The following SH3PXD2B variants were observed in gnomAD, a reference collection of about 807,000 sequenced individuals.
The protein encoded by SH3PXD2B is SH3 and PX domain-containing protein 2B.
Under a neutral mutation model 73.1 loss-of-function variants are expected in SH3PXD2B, and 37 were observed. That is an observed-to-expected ratio of 0.51 (90% confidence interval 0.39 to 0.67). SH3PXD2B has a LOEUF of 0.67. SH3PXD2B is among the 30% of genes least tolerant of loss of function. SH3PXD2B has a pLI of 0.00. For missense variants in SH3PXD2B, 1,053 were observed against 1,197.8 expected (o/e 0.88, Z 1.78); for synonymous variants, 457 against 480.5 (o/e 0.95, Z 0.64).
At chr5:172,422,345 G>A (rs1490707829) in intron 2 of SH3PXD2B, 71 bp downstream of exon 2, 32 of 1,372,944 alleles carry the variant, frequency 2.3e-5, no homozygotes, top group Non-Finnish European at 3.1e-5. Context: ...GGACTCTAAA[G>A]CTGTAGTGGA....
downstream of SH3PXD2B, among the ~76,000 whole-genome samples, chr5:172,329,006 C>T (rs193201023): frequency 1.4e-5 from 2 of 145,826 alleles, no homozygotes; most frequent in Admixed American, 1.4e-4. Flanking sequence ...TATAGATACA[C>T]ACATATATAT....
chr5:172,399,751 G>A lies in SH3PXD2B; in HGVS notation c.233-5112C>T, dbSNP rs754209992. Among the ~76,000 whole-genome samples the A allele has an allele frequency of 1.4e-4, 22 of 152,144 alleles. No individual in the cohort carries two copies. In the South Asian group the frequency reaches 1.7e-3, roughly 11 times the overall value. Reference sequence around the variant, plus strand: ...TCTTCCTCCTTCAGCACTCAATCTCGCTTACACTGGGTTTTATTTAATTAT... The same window carrying A: ...TCTTCCTCCTTCAGCACTCAATCTCACTTACACTGGGTTTTATTTAATTAT... On this transcript the variant is annotated intron_variant, in intron 3 of 12. Transcript: ENST00000311601.
chr5:172,360,107 T>C (rs1283204164), intron 7 of SH3PXD2B, among the ~76,000 whole-genome samples: 4 of 152,200 alleles, frequency 2.6e-5, no homozygotes, highest in African/African-American at 9.7e-5. Flanking sequence ...GACTATTAGA[T>C]AATAAATATG....
chr5:172,341,440 T>C (rs1045412565), intron 12 of SH3PXD2B, among the ~76,000 whole-genome samples: 5 of 152,090 alleles, frequency 3.3e-5, no homozygotes, highest in African/African-American at 1.2e-4. Context: ...ATCTGGTTGT[T>C]TAAAAGTGTG....
intron 4 of SH3PXD2B, among the ~76,000 whole-genome samples, chr5:172,391,101 A>G (rs1758181504): frequency 1.3e-5 from 2 of 152,046 alleles, no homozygotes; most frequent in Non-Finnish European, 2.9e-5. Flanking sequence ...TCAGCCTCCC[A>G]AAGTACTGGG....
chr5:172,413,100 C>A (rs192914720), intron 2 of SH3PXD2B, among the ~76,000 whole-genome samples: 11 of 152,306 alleles, frequency 7.2e-5, no homozygotes, highest in African/African-American at 2.6e-4. Flanking sequence ...GAGGGGTTTA[C>A]CCCCTCAATA....
At chr5:172,332,375 TC>T (rs1465007249), downstream of SH3PXD2B, among the ~76,000 whole-genome samples, 3 of 150,040 alleles carry the variant, frequency 2.0e-5, no homozygotes, top group Non-Finnish European at 4.4e-5. Context: ...CACTTCAGCC[TC>T]CCAAGTAGCT....
At chr5:172,423,126 G>A (rs1759009963) in intron 1 of SH3PXD2B, among the ~76,000 whole-genome samples, 1 of 152,132 alleles carries the variant, frequency 6.6e-6, no homozygotes, top group Non-Finnish European at 1.5e-5. Context: ...TGTGTCACAC[G>A]TCACGGCACG....
At chr5:172,440,280 C>T (rs1328098175) in intron 1 of SH3PXD2B, among the ~76,000 whole-genome samples, 1 of 152,236 alleles carries the variant, frequency 6.6e-6, no homozygotes, top group Non-Finnish European at 1.5e-5. Context: ...AGTAGCAATC[C>T]TGCACGTCCT....
chr5:172,377,984 G>A (rs984853644), intron 5 of SH3PXD2B, among the ~76,000 whole-genome samples: 2 of 150,214 alleles, frequency 1.3e-5, no homozygotes, highest in African/African-American at 5.1e-5. Flanking sequence ...TGGGCTGAGA[G>A]CTCCTGTCCT....
chr5:172,368,466 TA>T (rs2113337418), intron 6 of SH3PXD2B, among the ~76,000 whole-genome samples: 1 of 41,980 alleles, frequency 2.4e-5, no homozygotes, highest in South Asian at 8.5e-4. Context: ...TATATATATA[TA>T]TTATATATAT....
chr5:172,434,859 T>C (rs1051021230), intron 1 of SH3PXD2B, among the ~76,000 whole-genome samples: 3 of 151,000 alleles, frequency 2.0e-5, no homozygotes, highest in Non-Finnish European at 2.9e-5. Context: ...TCTCGGCTCA[T>C]TGCAACCTCC....
Position 172,338,165 on chromosome 5 carries a change from T to C in SH3PXD2B, c.*204A>G, listed in dbSNP as rs990262975. On this transcript the variant is annotated 3_prime_UTR_variant, in exon 13 of 13. Coordinates refer to ENST00000311601, the MANE Select transcript of SH3PXD2B (RefSeq NM_001017995.3). This position sits in a 1 kb window ranked among gnomAD's most constrained non-coding sequence, Gnocchi z 5.1. ...AAGGCTGTGGGTTCTGAGCCTCCAGTGATGCTGTGATAGGAGGGATCAGGC... is the reference window on the plus strand; with the variant it reads ...AAGGCTGTGGGTTCTGAGCCTCCAGCGATGCTGTGATAGGAGGGATCAGGC... 3.4e-6 allele frequency: 5 copies of C among 1,455,662 alleles called. No individual in the cohort carries two copies. The South Asian group carries it at 4.4e-5, about 13-fold the overall frequency. The allele number at this position is 1,455,662 out of a possible 1,614,324, so 90.2% of individuals were successfully genotyped here. A position where few individuals can be genotyped will look rare whatever the true frequency, so the allele number is the denominator to read the frequency against.
At chr5:172,354,078 C>A (rs1045317230) in intron 8 of SH3PXD2B, 73 bp from the exon 9 acceptor site, 33 of 1,410,692 alleles carry the variant, frequency 2.3e-5, no homozygotes, top group Non-Finnish European at 2.9e-5. Flanking sequence ...CCCCGTGATG[C>A]CCTTGCCCGT....
At chr5:172,404,624 T>TA (rs1758511038) in intron 3 of SH3PXD2B, among the ~76,000 whole-genome samples, 1 of 152,194 alleles carries the variant, frequency 6.6e-6, no homozygotes, top group South Asian at 2.1e-4. Flanking sequence ...CGTCCAGCTC[T>TA]AAATATCTGT....
intron 12 of SH3PXD2B, among the ~76,000 whole-genome samples, chr5:172,328,145 G>A (rs1406419034): frequency 6.9e-6 from 1 of 144,148 alleles, no homozygotes; most frequent in Non-Finnish European, 1.5e-5. Context: ...TTGAGATGGA[G>A]TCTCACTCTC....
intron 12 of SH3PXD2B, among the ~76,000 whole-genome samples, chr5:172,344,532 G>C (rs919657802): frequency 2.9e-5 from 4 of 138,760 alleles, no homozygotes; most frequent in Non-Finnish European, 6.1e-5. Context: ...AGGTTGCAGT[G>C]AGCTGAGATT....
intron 2 of SH3PXD2B, among the ~76,000 whole-genome samples, chr5:172,411,645 G>A (rs1039429650): frequency 2.6e-5 from 4 of 152,154 alleles, no homozygotes; most frequent in Non-Finnish European, 1.5e-5. Context: ...CCTGCTCCGC[G>A]GCGGGGCTGG....
At position 172,337,400 on chromosome 5, in the gene SH3PXD2B, G is replaced by A. The variant is rs1231745490; in HGVS notation, c.*969C>T. ...CTTCCTCCTGGCTGGTGTGTCCTTG[G>A]GCACATGGAGCGTGAATTTCCTCAT... On this transcript the variant is annotated 3_prime_UTR_variant, in exon 13 of 13. Coordinates refer to ENST00000311601, the MANE Select transcript of SH3PXD2B (RefSeq NM_001017995.3). 5 of 981,190 alleles carry A rather than the reference G, an allele frequency of 5.1e-6. No individual in the cohort carries two copies. The highest frequency in any genetic ancestry group is 1.8e-5 in the African/African-American group (1 of 57,112). The allele number at this position is 981,190 out of a possible 1,614,324, so 60.8% of individuals were successfully genotyped here.
Sources: allele counts gnomAD v4.1 joint callset (sites outside exome capture counted in the v4.1 genomes callset), GRCh38; gene constraint gnomAD v4.1.1; non-coding constraint Gnocchi (gnomAD v3.1); transcripts MANE v1.5; gene names NCBI Gene and HGNC (gene_info 2026-07-23, HGNC 2026-07-21).